Variants in ADRA1A observed in about 807,000 individuals in gnomAD.
The protein encoded by ADRA1A is alpha-1A adrenergic receptor.
Under a neutral mutation model 29.6 loss-of-function variants are expected in ADRA1A, and 31 were observed. That is an observed-to-expected ratio of 1.05 (90% CI 0.79 to 1.41). ADRA1A has a LOEUF of 1.41. Among genes scored for constraint, ADRA1A ranks in the 40% most tolerant of loss-of-function variants. The pLI is 0.00. For missense variants in ADRA1A, 619 were observed against 601.1 expected (o/e 1.03, Z -0.31); for synonymous variants, 311 against 254.3 (o/e 1.22, Z -2.12).
At chr8:26,795,959 C>T (rs1412454860) in intron 2 of ADRA1A, among the ~76,000 whole-genome samples, 1 of 151,692 alleles carries the variant, frequency 6.6e-6, no homozygotes, top group Non-Finnish European at 1.5e-5. Context: ...GATCTCAATT[C>T]AAATAAAAAA....
At chr8:26,798,065 G>A (rs999524051) in intron 2 of ADRA1A, among the ~76,000 whole-genome samples, 1 of 151,840 alleles carries the variant, frequency 6.6e-6, no homozygotes, top group African/African-American at 2.4e-5. Context: ...TGCAACCTCC[G>A]CCTCCCAGGC....
chr8:26,782,164 TG>T (rs1416013102), intron 2 of ADRA1A, among the ~76,000 whole-genome samples: 12 of 152,200 alleles, frequency 7.9e-5, no homozygotes, highest in Admixed American at 7.9e-4. Context: ...CTCCCCTGCC[TG>T]GATTAAGCTA....
At chr8:26,785,455 A>G (rs551509091) in intron 2 of ADRA1A, among the ~76,000 whole-genome samples, 7 of 152,278 alleles carry the variant, frequency 4.6e-5, no homozygotes, top group Admixed American at 2.6e-4. Flanking sequence ...GAACTTGCTC[A>G]GGGTTACACA....
chr8:26,798,571 T>A (rs1199374169), intron 2 of ADRA1A, among the ~76,000 whole-genome samples: 1 of 152,194 alleles, frequency 6.6e-6, no homozygotes, highest in African/African-American at 2.4e-5. Flanking sequence ...GATAATTCAG[T>A]ATCTTGATGT....
chr8:26,751,000 C>T (rs751719872), intron 2 of ADRA1A, among the ~76,000 whole-genome samples: 4 of 148,864 alleles, frequency 2.7e-5, no homozygotes, highest in Admixed American at 1.4e-4. Flanking sequence ...ACCCAGGAGG[C>T]GGAGGTTGTG....
chr8:26,801,837 C>A (rs564501154), intron 2 of ADRA1A, among the ~76,000 whole-genome samples: 1 of 152,250 alleles, frequency 6.6e-6, no homozygotes, highest in Non-Finnish European at 1.5e-5. Context: ...TACCTGACTT[C>A]AAATTATACT....
chr8:26,766,224 TA>T, downstream of ADRA1A: 1 of 1,042,058 alleles, frequency 9.6e-7, no homozygotes, highest in Non-Finnish European at 1.5e-6. Context: ...CATTTATTTT[TA>T]AAAGGGATGT....
intron 2 of ADRA1A, among the ~76,000 whole-genome samples, chr8:26,816,533 A>ATG (rs59536491): frequency 0.089 from 13,165 of 147,492 alleles, 608 homozygotes; most frequent in Middle Eastern, 0.14. Context: ...CTCATGGTGT[A>ATG]TGTGTGTGTG....
Position 26,860,789 on chromosome 8 carries a change from G to A in ADRA1A, c.883+3298C>T, listed in dbSNP as rs1030890767. The stretch of plus-strand genomic sequence containing the variant: ...ATGCTCCCCTTGGGCACTGAATCCC[G>A]TTGCCTCTTTTGCCTATCCCATCAG... On this transcript the variant is annotated intron_variant, in intron 2 of 2. Coordinates refer to ENST00000380573, the MANE Select transcript of ADRA1A (RefSeq NM_000680.4). The surrounding 1 kb of genome is among the most constrained non-coding windows in gnomAD (Gnocchi z 4.7). Among the ~76,000 whole-genome samples the A allele has an allele frequency of 1.3e-5, 2 of 151,952 alleles. No individual in the cohort carries two copies. The highest frequency in any genetic ancestry group is 1.5e-5 in the Non-Finnish European group (1 of 67,990).
At chr8:26,830,389 T>C (rs1261548505) in intron 2 of ADRA1A, among the ~76,000 whole-genome samples, 1 of 152,248 alleles carries the variant, frequency 6.6e-6, no homozygotes, top group Non-Finnish European at 1.5e-5. Flanking sequence ...GCTTGGAGCC[T>C]TGTTTTCTTC....
chr8:26,861,341 G>A (rs1813451043), intron 2 of ADRA1A, among the ~76,000 whole-genome samples: 2 of 126,080 alleles, frequency 1.6e-5, no homozygotes, highest in African/African-American at 6.1e-5. Context: ...GCCTCGCTCT[G>A]CACCCAGGCT....
chr8:26,845,525 A>G (rs944968265), intron 2 of ADRA1A, among the ~76,000 whole-genome samples: 1 of 152,314 alleles, frequency 6.6e-6, no homozygotes, highest in African/African-American at 2.4e-5. Flanking sequence ...ACAATTTGGC[A>G]GTTCCTTAAT....
intron 2 of ADRA1A, among the ~76,000 whole-genome samples, chr8:26,840,258 C>A (rs1318466700): frequency 6.6e-6 from 1 of 152,202 alleles, no homozygotes. Context: ...CTGGAAATCC[C>A]TGGGCATTTG....
At chr8:26,779,148 C>T in intron 2 of ADRA1A, 1 of 591,424 alleles carries the variant, frequency 1.7e-6, no homozygotes, top group South Asian at 2.2e-5. Context: ...AGATGATATG[C>T]TTTCCAATGG....
chr8:26,832,088 C>T lies in ADRA1A; in HGVS notation c.883+31999G>A, dbSNP rs2130653102. Among the ~76,000 whole-genome samples, 2 of 152,332 alleles carry T rather than the reference C, an allele frequency of 1.3e-5. 1 individual carries two copies. Among genetic ancestry groups the T allele is most frequent in the South Asian group, 4.1e-4 (2 of 4,830 alleles). ...CCCTCCCAATCTCCCCTTCCTTTCA[C>T]AAGGGAAGGGAGGAGATTCGGTTTG... On this transcript the variant is annotated intron_variant, in intron 2 of 2. Transcript: ENST00000380573.
At chr8:26,830,650 A>G (rs896680124) in intron 2 of ADRA1A, among the ~76,000 whole-genome samples, 35 of 152,228 alleles carry the variant, frequency 2.3e-4, no homozygotes, top group Admixed American at 4.6e-4. Context: ...ATGAAGGTTT[A>G]TTTAAGGAAT....
chr8:26,853,816 A>G (rs1173766775), intron 2 of ADRA1A: 2 of 152,256 alleles, frequency 1.3e-5, no homozygotes, highest in Non-Finnish European at 2.9e-5. Flanking sequence ...ACATTCAATG[A>G]AAAAACATGA....
intron 2 of ADRA1A, among the ~76,000 whole-genome samples, chr8:26,783,217 G>T (rs1807126006): frequency 6.6e-6 from 1 of 152,266 alleles, no homozygotes; most frequent in South Asian, 2.1e-4. Flanking sequence ...AGTTATATAT[G>T]AAAACTTATT....
chr8:26,797,685 T>C (rs1808276831), intron 2 of ADRA1A, among the ~76,000 whole-genome samples: 1 of 152,152 alleles, frequency 6.6e-6, no homozygotes, highest in Admixed American at 6.5e-5. Context: ...AGAGTCTACA[T>C]ACACAAAAAC....
Sources: gnomAD v4.1 joint callset for allele counts (sites outside exome capture counted in the v4.1 genomes callset) on GRCh38, gnomAD v4.1.1 for gene constraint, Gnocchi (gnomAD v3.1) non-coding constraint, MANE v1.5 for transcripts, NCBI Gene and HGNC (gene_info 2026-07-23, HGNC 2026-07-21) for gene names.